THNSL1: variants seen among roughly 807,000 people sequenced by gnomAD.
THNSL1 encodes the protein threonine synthase-like 1.
Under a neutral mutation model 50.4 loss-of-function variants are expected in THNSL1, and 48 were observed. That is an observed-to-expected ratio of 0.95 (90% CI 0.76 to 1.21). The LOEUF is 1.21. Among genes scored for constraint, THNSL1 ranks in the 50% most tolerant of loss-of-function variants. THNSL1 has a pLI of 0.00. For synonymous variants in THNSL1, 309 were observed against 306.1 expected, an observed-to-expected ratio of 1.01 and a Z score of -0.10; for missense variants, 896 against 871.7, an observed-to-expected ratio of 1.03 and a Z score of -0.35.
At chr10:24,988,354 A>G in the THNSL1 span, among the ~76,000 whole-genome samples, 1 of 144,718 alleles carries the variant, frequency 6.9e-6, no homozygotes, top group Non-Finnish European at 1.5e-5. Context: ...ATATTTATAT[A>G]TGTGTATATA....
Position 25,023,687 on chromosome 10 carries a change from A to G in THNSL1, c.464A>G (p.Asp155Gly). The change falls in exon 3 of 3, where the codon GAT (aspartate) becomes GGT (glycine). Residue 155 changes from aspartate to glycine, a missense_variant. Asp to Gly is a moderately conservative substitution (Grantham distance 94). Coordinates refer to ENST00000376356, the MANE Select transcript of THNSL1 (RefSeq NM_024838.5). Reference protein sequence around the residue: ...LKKNGIIVYLDVPLLDLICRL... With the variant: ...LKKNGIIVYLGVPLLDLICRL... ...AAAAATGGAATAATTGTATACCTGG[A>G]TGTACCTCTACTAGATCTAATTTGT... 6.2e-7 allele frequency: 1 copy of G among 1,614,080 alleles called. No homozygotes were observed. The highest frequency in any genetic ancestry group is 8.5e-7 in the Non-Finnish European group (1 of 1,180,012).
rs1329461650 is a variant in THNSL1, at chr10:25,024,723, C to T, written c.1500C>T (p.Ser500=). Residue 500 remains serine (S), a synonymous_variant, in exon 3 of 3, where the codon AGC becomes AGT. Coordinates refer to ENST00000376356, the MANE Select transcript of THNSL1 (RefSeq NM_024838.5). Reference sequence around the variant, plus strand: ...GTCAAGGATTTATTTCTTTTGGAAGCCCAGTCGATGTCTGTATTCCCACAG... The same window carrying T: ...GTCAAGGATTTATTTCTTTTGGAAGTCCAGTCGATGTCTGTATTCCCACAG... ...LVSQGFISFG[S]PVDVCIPTGN... The T allele has an allele frequency of 1.2e-6, 2 of 1,614,146 alleles. No individual in the cohort carries two copies. The highest frequency in any genetic ancestry group is 2.2e-5 in the East Asian group (1 of 44,876).
At chr10:24,988,295 TG>T in the THNSL1 span, among the ~76,000 whole-genome samples, 1 of 144,320 alleles carries the variant, frequency 6.9e-6, no homozygotes, top group African/African-American at 2.5e-5. Flanking sequence ...TATTTATATA[TG>T]TATATATATT....
the THNSL1 span, among the ~76,000 whole-genome samples, chr10:24,985,264 CA>C: frequency 6.6e-6 from 1 of 151,934 alleles, no homozygotes; most frequent in African/African-American, 2.4e-5. Context: ...ATCCTCGAGT[CA>C]AAAACATTTT....
upstream of THNSL1, chr10:25,016,254 G>T: frequency 1.1e-6 from 1 of 909,070 alleles, no homozygotes; most frequent in Non-Finnish European, 1.4e-6. Flanking sequence ...AGCGCCTTCT[G>T]CTAGAGAAGC....
the THNSL1 span, among the ~76,000 whole-genome samples, chr10:24,958,926 C>T: frequency 6.6e-5 from 10 of 152,148 alleles, no homozygotes; most frequent in African/African-American, 9.7e-5. Context: ...TCCTGGCAGT[C>T]GACCTCAACT....
At chr10:24,996,100 GA>G in the THNSL1 span, among the ~76,000 whole-genome samples, 4 of 151,850 alleles carry the variant, frequency 2.6e-5, no homozygotes, top group South Asian at 2.1e-4. Flanking sequence ...TTTTTAAAAA[GA>G]AAAAAAGTCA....
In THNSL1 at chr10:25,016,664, C is replaced by G. The variant is rs1038625519; in HGVS notation, c.-244C>G. 3.3e-5 allele frequency: 5 copies of G among 152,394 alleles called. No homozygotes were observed. The highest frequency in any genetic ancestry group is 3.3e-4 in the Admixed American group (5 of 15,276). 9.4% of individuals were successfully genotyped at this position (152,394 alleles called of 1,614,324 possible). The stretch of plus-strand genomic sequence containing the variant: ...AGGCACAGGCGCAGAGTCCACTGCG[C>G]GGGGGCGGGACCGGGGAGCTAGCTG... On this transcript the variant is annotated 5_prime_UTR_variant, in exon 1 of 3. Coordinates refer to ENST00000376356, the MANE Select transcript of THNSL1 (RefSeq NM_024838.5).
the THNSL1 span, among the ~76,000 whole-genome samples, chr10:25,005,602 C>A: frequency 6.6e-6 from 1 of 152,160 alleles, no homozygotes; most frequent in Non-Finnish European, 1.5e-5. Context: ...AGAAAGCTAT[C>A]CAAATTATTT....
chr10:25,025,407 T>C lies in THNSL1; in HGVS notation c.2184T>C (p.Asn728=). 2 of 1,613,694 alleles carry C rather than the reference T, an allele frequency of 1.2e-6. No homozygotes were observed. Among genetic ancestry groups the C allele is most frequent in the Non-Finnish European group, 8.5e-7 (1 of 1,179,894 alleles). The change falls in exon 3 of 3, where the codon AAT becomes AAC. Residue 728 remains asparagine, a synonymous_variant. Coordinates refer to ENST00000376356, the MANE Select transcript of THNSL1 (RefSeq NM_024838.5). ...MEYQVCAADM[N]VLKSHVEQLV... is the part of the protein sequence containing the mutation. ...ACCAGGTCTGTGCAGCTGATATGAA[T>C]GTCTTGAAGAGTCATGTGGAACAAC... is the stretch of plus-strand genomic sequence containing the variant.
At chr10:25,014,211 T>C (rs919361171), upstream of THNSL1, among the ~76,000 whole-genome samples, 1 of 152,196 alleles carries the variant, frequency 6.6e-6, no homozygotes, top group African/African-American at 2.4e-5. Context: ...AGTGTTCATA[T>C]TTCAGTTCCC....
chr10:24,958,992 T>C, the THNSL1 span, among the ~76,000 whole-genome samples: 1 of 152,194 alleles, frequency 6.6e-6, no homozygotes, highest in African/African-American at 2.4e-5. Flanking sequence ...AACTAGGGAC[T>C]AAGCAGTAAA....
At chr10:25,005,976 G>A in the THNSL1 span, among the ~76,000 whole-genome samples, 10 of 152,226 alleles carry the variant, frequency 6.6e-5, no homozygotes, top group Admixed American at 2.6e-4. Flanking sequence ...TGCCACATGC[G>A]GAAATCATAG....
In THNSL1 at chr10:25,025,337, A is replaced by C; in HGVS notation, c.2114A>C (p.His705Pro). The C allele has an allele frequency of 6.2e-7, 1 of 1,614,222 alleles. No homozygotes were observed. The highest frequency in any genetic ancestry group is 8.5e-7 in the Non-Finnish European group (1 of 1,180,040). ...LGSYNALPPL[H>P]EALLERTKQQ... ...TCATACAATGCATTACCTCCACTGC[A>C]TGAGGCTTTATTAGAGAGAACAAAA... The change falls in exon 3 of 3, where the codon CAT (histidine) becomes CCT (proline). Residue 705 changes from histidine (H) to proline (P), a missense_variant. Coordinates refer to ENST00000376356, the MANE Select transcript of THNSL1 (RefSeq NM_024838.5).
At chr10:24,972,237 G>C in the THNSL1 span, among the ~76,000 whole-genome samples, 1 of 150,288 alleles carries the variant, frequency 6.7e-6, no homozygotes, top group Non-Finnish European at 1.5e-5. Context: ...GCCGGGAGTG[G>C]TGGCTCGCGC....
the THNSL1 span, among the ~76,000 whole-genome samples, chr10:24,997,804 G>C: frequency 2.2e-5 from 3 of 136,826 alleles, no homozygotes; most frequent in Admixed American, 2.1e-4. Context: ...TGACACAAAG[G>C]ATTTATATAT....
At chr10:24,955,136 A>T in the THNSL1 span, among the ~76,000 whole-genome samples, 1 of 152,220 alleles carries the variant, frequency 6.6e-6, no homozygotes, top group South Asian at 2.1e-4. Flanking sequence ...ACGTCTTACC[A>T]TGGCAGAGCA....
Position 25,024,018 on chromosome 10 carries a change from C to T in THNSL1, c.795C>T (p.Leu265=), listed in dbSNP as rs761461483. 6.2e-7 allele frequency: 1 copy of T among 1,614,168 alleles called. No individual in the cohort carries two copies. Among genetic ancestry groups the T allele is most frequent in the East Asian group, 2.2e-5 (1 of 44,882 alleles). The part of the protein sequence containing the change: ...VIEGLASDGG[L]FVPAKEFPKL... ...AGGGGTTGGCTTCTGATGGTGGCCT[C>T]TTTGTTCCTGCAAAGGAGTTTCCAA... The change falls in exon 3 of 3, where the codon CTC becomes CTT. Residue 265 remains leucine (L), a synonymous_variant. Transcript: ENST00000376356.
the THNSL1 span, among the ~76,000 whole-genome samples, chr10:24,952,889 C>T: frequency 6.6e-6 from 1 of 151,756 alleles, no homozygotes. This position sits in a 1 kb window ranked among gnomAD's most constrained non-coding sequence, Gnocchi z 5.1. Flanking sequence ...CGCCCCCTGC[C>T]GGATGGTCGC....
Sources: gnomAD v4.1 joint callset for allele counts (sites outside exome capture counted in the v4.1 genomes callset) on GRCh38, gnomAD v4.1.1 for gene constraint, Gnocchi (gnomAD v3.1) non-coding constraint, MANE v1.5 for transcripts, NCBI Gene and HGNC (gene_info 2026-07-23, HGNC 2026-07-21) for gene names.